Variants in HS6ST3 observed in about 807,000 individuals in gnomAD.
HS6ST3 encodes the protein heparan-sulfate 6-O-sulfotransferase 3.
In HS6ST3, 12 loss-of-function variants were observed where a neutral mutation model predicts 36.7. The ratio of observed to expected loss-of-function variants is 0.33; its 90% CI spans 0.21 to 0.53. The LOEUF (loss-of-function observed/expected upper bound fraction) is 0.53. HS6ST3 is among the 20% of genes least tolerant of loss of function. HS6ST3 has a pLI of 0.95. For missense variants in HS6ST3, 584 were observed against 640.9 expected (o/e 0.91, Z 0.96); for synonymous variants, 240 against 257.5 (o/e 0.93, Z 0.65).
At chr13:96,320,610 T>C (rs1399207417) in intron 1 of HS6ST3, among the ~76,000 whole-genome samples, 1 of 152,228 alleles carries the variant, frequency 6.6e-6, no homozygotes, top group Non-Finnish European at 1.5e-5. Context: ...ATTTCTACTT[T>C]AAGTTTTCTC....
At chr13:96,564,269 T>C (rs1019804849) in intron 1 of HS6ST3, among the ~76,000 whole-genome samples, 2 of 152,216 alleles carry the variant, frequency 1.3e-5, no homozygotes, top group Non-Finnish European at 2.9e-5. Flanking sequence ...CATGCAGTTA[T>C]GTGTTTTTAT....
chr13:96,618,497 G>A lies in HS6ST3; in HGVS notation c.708-213993G>A, dbSNP rs552104195. 9.9e-5 allele frequency among the ~76,000 whole-genome samples: 15 copies of A among 152,240 alleles called. No homozygotes were observed. In the South Asian group the frequency reaches 1.0e-3, roughly 11 times the overall value. ...CAAGAACCAGGGTTGCTTTTATCAC[G>A]TCACTAACAAGGCTCAGGTATTGGG... is the stretch of plus-strand genomic sequence containing the variant. On this transcript the variant is annotated intron_variant, in intron 1 of 1. Coordinates refer to ENST00000376705, the MANE Select transcript of HS6ST3 (RefSeq NM_153456.4).
intron 1 of HS6ST3, among the ~76,000 whole-genome samples, chr13:96,686,658 A>G (rs61970572): frequency 0.015 from 2,310 of 152,122 alleles, 21 homozygotes; most frequent in Non-Finnish European, 0.025. Flanking sequence ...TAAAACAGAA[A>G]GTTTTACTGA....
At chr13:96,507,531 C>T (rs1594796188) in intron 1 of HS6ST3, among the ~76,000 whole-genome samples, 1 of 152,106 alleles carries the variant, frequency 6.6e-6, no homozygotes, top group Non-Finnish European at 1.5e-5. Flanking sequence ...ATATAAGGCC[C>T]TGGAAAATTA....
chr13:96,725,647 A>AAC (rs1875985144), intron 1 of HS6ST3, among the ~76,000 whole-genome samples: 1 of 151,874 alleles, frequency 6.6e-6, no homozygotes, highest in Non-Finnish European at 1.5e-5. Context: ...TTTTGTTGAG[A>AAC]ACACAGTTTT....
chr13:96,173,897 G>A (rs138640937), intron 1 of HS6ST3, among the ~76,000 whole-genome samples: 116 of 152,170 alleles, frequency 7.6e-4, no homozygotes, highest in African/African-American at 2.7e-3. Flanking sequence ...AAGAGAGCAA[G>A]AGAGTGATGG....
At chr13:96,254,814 C>T (rs999907971) in intron 1 of HS6ST3, among the ~76,000 whole-genome samples, 1 of 151,934 alleles carries the variant, frequency 6.6e-6, no homozygotes, top group Admixed American at 6.6e-5. Context: ...AAAAATTTTG[C>T]TTTATAAGAA....
At chr13:96,807,759 G>A (rs747363376) in intron 1 of HS6ST3, among the ~76,000 whole-genome samples, 13 of 151,906 alleles carry the variant, frequency 8.6e-5, no homozygotes, top group East Asian at 1.9e-4. Flanking sequence ...CCAGCTACTC[G>A]GGAGGCTGAG....
chr13:96,315,725 A>G (rs1050312038), intron 1 of HS6ST3, among the ~76,000 whole-genome samples: 1 of 152,124 alleles, frequency 6.6e-6, no homozygotes, highest in Admixed American at 6.6e-5. Flanking sequence ...ATATGGCTGT[A>G]TGTATTTTCA....
intron 1 of HS6ST3, among the ~76,000 whole-genome samples, chr13:96,395,723 A>G (rs1278174371): frequency 6.6e-6 from 1 of 152,222 alleles, no homozygotes; most frequent in Non-Finnish European, 1.5e-5. Flanking sequence ...CCTTGAGGAC[A>G]GAATTTAAAA....
intron 1 of HS6ST3, among the ~76,000 whole-genome samples, chr13:96,272,204 C>T (rs888795237): frequency 2.0e-5 from 3 of 151,946 alleles, no homozygotes; most frequent in African/African-American, 7.3e-5. Context: ...TAATGTATAA[C>T]TTGCTTGGAA....
intron 1 of HS6ST3, among the ~76,000 whole-genome samples, chr13:96,595,729 T>C (rs987727912): frequency 2.0e-5 from 3 of 152,126 alleles, no homozygotes; most frequent in Admixed American, 2.0e-4. Flanking sequence ...TCTTTCTTTT[T>C]TATTTTTCTT....
At chr13:96,543,181 G>A (rs1004445066) in intron 1 of HS6ST3, among the ~76,000 whole-genome samples, 3 of 152,136 alleles carry the variant, frequency 2.0e-5, no homozygotes, top group Non-Finnish European at 4.4e-5. Flanking sequence ...GGAGGATGCA[G>A]CAGCTCCCAG....
At chr13:96,520,582 G>C (rs1196697897) in intron 1 of HS6ST3, among the ~76,000 whole-genome samples, 1 of 152,116 alleles carries the variant, frequency 6.6e-6, no homozygotes, top group African/African-American at 2.4e-5. Flanking sequence ...TCCCTTGTAA[G>C]TTGCATTCCT....
chr13:96,833,660 G>C lies in HS6ST3; in HGVS notation c.*462G>C, dbSNP rs535842562. 3.2e-5 allele frequency: 5 copies of C among 156,800 alleles called. No individual in the cohort carries two copies. The highest frequency in any genetic ancestry group is 1.2e-4 in the African/African-American group (5 of 41,626). 9.7% of individuals were successfully genotyped at this position (156,800 alleles called of 1,614,324 possible). A position where few individuals can be genotyped will look rare whatever the true frequency, so the allele number is the denominator to read the frequency against. ...GAGAGAGAAAGAGAAAAACATTTCA[G>C]CCCTTAGATGAGGTCTTACACCAAC... is the stretch of plus-strand genomic sequence containing the variant. On this transcript the variant is annotated 3_prime_UTR_variant, in exon 2 of 2. Coordinates refer to ENST00000376705, the MANE Select transcript of HS6ST3 (RefSeq NM_153456.4).
At chr13:96,319,078 A>G (rs2054991127) in intron 1 of HS6ST3, among the ~76,000 whole-genome samples, 1 of 152,190 alleles carries the variant, frequency 6.6e-6, no homozygotes, top group African/African-American at 2.4e-5. Flanking sequence ...CTTCAGCCAA[A>G]AAAGAAACCC....
chr13:96,573,957 T>A (rs542003650), intron 1 of HS6ST3: 1 of 536,574 alleles, frequency 1.9e-6, no homozygotes, highest in East Asian at 5.2e-5. Context: ...TGCTACTGCT[T>A]TACCAAACTC....
chr13:96,377,326 C>G (rs1402101201), intron 1 of HS6ST3, among the ~76,000 whole-genome samples: 1 of 151,712 alleles, frequency 6.6e-6, no homozygotes, highest in Non-Finnish European at 1.5e-5. Context: ...GCACTTCAGC[C>G]TGGGTGACAG....
intron 1 of HS6ST3, among the ~76,000 whole-genome samples, chr13:96,490,109 G>C (rs2055937334): frequency 6.6e-6 from 1 of 152,102 alleles, no homozygotes. Flanking sequence ...AGTTCTTTCA[G>C]TTTTATAGGC....
Sources: allele counts gnomAD v4.1 joint callset (sites outside exome capture counted in the v4.1 genomes callset), GRCh38; gene constraint gnomAD v4.1.1; transcripts MANE v1.5; gene names NCBI Gene and HGNC (gene_info 2026-07-23, HGNC 2026-07-21).